The following RPTOR variants were observed in gnomAD, a reference collection of about 807,000 sequenced individuals.
The protein encoded by RPTOR is regulatory associated protein of MTOR complex 1, also known as regulatory-associated protein of mTOR.
RPTOR carries 21 observed loss-of-function variants against 169.9 expected under a neutral mutation model. That is an observed-to-expected ratio of 0.12 (90% CI 0.09 to 0.18). RPTOR has a LOEUF of 0.18. Ranked by LOEUF, RPTOR falls within the 10% of genes least tolerant of loss-of-function variation. The probability of loss-of-function intolerance (pLI) is 1.00; values close to 1 mark genes in which losing one functional copy is unlikely to be tolerated. For synonymous variants in RPTOR, 732 were observed against 753.2 expected (o/e 0.97, Z 0.46); for missense variants, 1,133 against 1,855.9 (o/e 0.61, Z 7.16).
intron 9 of RPTOR, among the ~76,000 whole-genome samples, chr17:80,834,840 C>T (rs368365957): frequency 6.6e-6 from 1 of 152,230 alleles, no homozygotes; most frequent in African/African-American, 2.4e-5. Context: ...CGCTGGTCTG[C>T]TCGGCCCACG....
chr17:80,931,062 T>A (rs2068891507), intron 24 of RPTOR, among the ~76,000 whole-genome samples: 1 of 152,224 alleles, frequency 6.6e-6, no homozygotes, highest in South Asian at 2.1e-4. Context: ...ATCCTGGTTT[T>A]GCTTGGCTGC....
intron 4 of RPTOR, among the ~76,000 whole-genome samples, chr17:80,728,985 TG>T (rs1244705510): frequency 6.6e-6 from 1 of 152,220 alleles, no homozygotes; most frequent in Non-Finnish European, 1.5e-5. Flanking sequence ...ACAGGTAGAA[TG>T]GGGTCCTGCC....
chr17:80,876,788 G>A (rs1176117402), intron 13 of RPTOR, among the ~76,000 whole-genome samples: 249 of 109,168 alleles, frequency 2.3e-3, no homozygotes, highest in Non-Finnish European at 2.5e-3. Flanking sequence ...GTCTTCCACC[G>A]AGCCCGTGCC....
intron 1 of RPTOR, among the ~76,000 whole-genome samples, chr17:80,581,026 G>C (rs1346198645): frequency 1.3e-5 from 2 of 152,134 alleles, no homozygotes; most frequent in East Asian, 3.9e-4. Flanking sequence ...TGGAAGTGTG[G>C]CTTGGGGCTC....
At chr17:80,606,209 A>G (rs1025086722) in intron 1 of RPTOR, among the ~76,000 whole-genome samples, 4 of 150,748 alleles carry the variant, frequency 2.7e-5, no homozygotes, top group Non-Finnish European at 4.4e-5. Context: ...ACGGGGTTTC[A>G]CCATGTTAGC....
rs140534432 is a variant in RPTOR, at chr17:80,732,073, T to C, written c.654+1367T>C. 6.4e-4 allele frequency among the ~76,000 whole-genome samples: 98 copies of C among 152,322 alleles called. 2 individuals are homozygous for C. The East Asian group carries it at 0.015, about 24-fold the overall frequency. ...TGCTTTCAGGCATTTCATCTTGGTT[T>C]ACCCAGGGGATAGGTTATCTAATGA... On this transcript the variant is annotated intron_variant, in intron 5 of 33. Coordinates refer to ENST00000306801, the MANE Select transcript of RPTOR (RefSeq NM_020761.3).
At chr17:80,847,605 G>T (rs2067746446) in intron 11 of RPTOR, among the ~76,000 whole-genome samples, 1 of 152,240 alleles carries the variant, frequency 6.6e-6, no homozygotes, top group South Asian at 2.1e-4. Context: ...CAGGGAATGA[G>T]CAGGCCCCGC....
chr17:80,579,419 C>T (rs887837171), intron 1 of RPTOR, among the ~76,000 whole-genome samples: 12 of 152,126 alleles, frequency 7.9e-5, no homozygotes, highest in African/African-American at 1.7e-4. Flanking sequence ...TTCGAACTCC[C>T]GACCTCAGGT....
At chr17:80,685,917 C>A (rs933081681) in intron 3 of RPTOR, among the ~76,000 whole-genome samples, 2 of 151,682 alleles carry the variant, frequency 1.3e-5, no homozygotes, top group African/African-American at 4.8e-5. Context: ...ACTTTCCAGT[C>A]CTCAGAGCTC....
chr17:80,842,264 G>A (rs907152878), intron 10 of RPTOR, among the ~76,000 whole-genome samples: 1 of 152,210 alleles, frequency 6.6e-6, no homozygotes, highest in Non-Finnish European at 1.5e-5. Context: ...ATCTTCTTCA[G>A]TATGGATTTT....
intron 2 of RPTOR, among the ~76,000 whole-genome samples, chr17:80,637,679 C>T (rs780955829): frequency 1.3e-5 from 2 of 152,192 alleles, no homozygotes; most frequent in African/African-American, 4.8e-5. Context: ...TGTCATTTAG[C>T]GGAAATGGTT....
chr17:80,591,411 C>G (rs989580621), intron 1 of RPTOR, among the ~76,000 whole-genome samples: 1 of 145,422 alleles, frequency 6.9e-6, no homozygotes, highest in African/African-American at 2.6e-5. Context: ...TGGAGTGTTG[C>G]TCTGTCACCC....
At chr17:80,841,371 TCA>T (rs1305735150) in intron 10 of RPTOR, among the ~76,000 whole-genome samples, 12 of 127,866 alleles carry the variant, frequency 9.4e-5, no homozygotes, top group Admixed American at 8.7e-4. Flanking sequence ...GCACCGCAGC[TCA>T]CACTCACCGC....
At position 80,966,031 on chromosome 17, in the gene RPTOR, C is replaced by T. The variant is rs1384800093; in HGVS notation, c.*1701C>T. 4.3e-6 allele frequency: 1 copy of T among 233,016 alleles called. No individual in the cohort carries two copies. The highest frequency in any genetic ancestry group is 8.5e-6 in the Non-Finnish European group (1 of 118,008). 14.4% of individuals were successfully genotyped at this position (233,016 alleles called of 1,614,324 possible). On this transcript the variant is annotated 3_prime_UTR_variant, in exon 34 of 34. Coordinates refer to ENST00000306801, the MANE Select transcript of RPTOR (RefSeq NM_020761.3). The stretch of plus-strand genomic sequence containing the variant: ...CGCAGCTTCCCATCCAGTCCTTCAA[C>T]TCAATTCTTACCCAACACGCGTTTC...
intron 20 of RPTOR, among the ~76,000 whole-genome samples, chr17:80,897,000 C>T (rs2068414446): frequency 6.6e-6 from 1 of 152,254 alleles, no homozygotes; most frequent in South Asian, 2.1e-4. Context: ...GTCCCTCACG[C>T]CTGTAATCCC....
rs117898740 is a variant in RPTOR, at chr17:80,912,705, C to G, written c.2520+3776C>G. ...GTAGTGTAGCTGGACGGCCCGCCCC[C>G]CTCTCCCACCACGGTAAGGCAGTTA... On this transcript the variant is annotated intron_variant, in intron 21 of 33. Transcript: ENST00000306801. 2.6e-5 allele frequency among the ~76,000 whole-genome samples: 4 copies of G among 152,292 alleles called. No individual in the cohort carries two copies. The South Asian group carries it at 6.2e-4, about 24-fold the overall frequency.
Position 80,965,206 on chromosome 17 carries a change from C to G in RPTOR, c.*876C>G, listed in dbSNP as rs976763420. ...CGACCTGTGGTCTCCATGCCTGTGC[C>G]CTCACACAGGTGTAGCACACGCATG... On this transcript the variant is annotated 3_prime_UTR_variant, in exon 34 of 34. Transcript: ENST00000306801. 1.3e-5 allele frequency: 3 copies of G among 233,244 alleles called. No homozygotes were observed. Among genetic ancestry groups the G allele is most frequent in the Admixed American group, 5.6e-5 (1 of 17,790 alleles). The allele number at this position is 233,244 out of a possible 1,614,324, so 14.4% of individuals were successfully genotyped here.
intron 20 of RPTOR, among the ~76,000 whole-genome samples, chr17:80,908,269 G>A (rs1354007254): frequency 6.6e-6 from 1 of 152,208 alleles, no homozygotes; most frequent in East Asian, 1.9e-4. Flanking sequence ...AGAGGCTTAG[G>A]GACAAAAGTC....
intron 1 of RPTOR, among the ~76,000 whole-genome samples, chr17:80,571,176 C>G (rs1475057700): frequency 6.6e-6 from 1 of 152,130 alleles, no homozygotes; most frequent in Non-Finnish European, 1.5e-5. Flanking sequence ...GGCTGGCTAC[C>G]TTAAAGGTTT....
Sources: allele counts gnomAD v4.1 joint callset (sites outside exome capture counted in the v4.1 genomes callset), GRCh38; gene constraint gnomAD v4.1.1; transcripts MANE v1.5; gene names NCBI Gene and HGNC (gene_info 2026-07-23, HGNC 2026-07-21).